PCDH18: variants seen among roughly 807,000 people sequenced by gnomAD.
The protein encoded by PCDH18 is protocadherin-18.
A neutral mutation model predicts 71.5 loss-of-function variants in PCDH18; 38 were observed. That is an observed-to-expected ratio of 0.53 (90% CI 0.41 to 0.70). The LOEUF is 0.70. Among genes scored for constraint, PCDH18 ranks in the 30% least tolerant of loss-of-function variants. The probability of loss-of-function intolerance (pLI) is 0.00; values close to 1 mark genes in which losing one functional copy is unlikely to be tolerated. For synonymous variants in PCDH18, 565 were observed against 505.4 expected (o/e 1.12, Z -1.58); for missense variants, 1,334 against 1,384.6 (o/e 0.96, Z 0.58).
intron 1 of PCDH18, chr4:137,529,383 T>G (rs1731576267): frequency 2.2e-6 from 1 of 447,910 alleles, no homozygotes; most frequent in Admixed American, 3.7e-5. Context: ...TTTTTCAATA[T>G]TACACATATT....
At chr4:137,528,429 G>A (rs748750242) in intron 3 of PCDH18, 49 bp downstream of exon 3, 9 of 1,466,770 alleles carry the variant, frequency 6.1e-6, no homozygotes, top group African/African-American at 1.4e-5. Context: ...CATTTTACTG[G>A]TGTCACGGTA....
chr4:137,521,698 T>G lies in PCDH18; in HGVS notation c.2741-2A>C, dbSNP rs1300490583. The G allele has an allele frequency of 1.3e-6, 2 of 1,587,974 alleles. No homozygotes were observed. Among genetic ancestry groups the G allele is most frequent in the Non-Finnish European group, 1.7e-6 (2 of 1,167,104 alleles). On this transcript the variant is annotated splice_acceptor_variant, in intron 3 of 3. Transcript: ENST00000344876. LOFTEE classifies it high-confidence loss of function. Reference sequence around the variant, plus strand: ...ACTCCTCCGTGCAGAGTCTCATAGCTGCACTCAAGAAAAACAGTGGGGATT... The same window carrying G: ...ACTCCTCCGTGCAGAGTCTCATAGCGGCACTCAAGAAAAACAGTGGGGATT...
In PCDH18 at chr4:137,528,519, C is replaced by A. The variant is rs1374297184; in HGVS notation, c.2699G>T (p.Gly900Val). The part of the protein sequence containing the change: ...DSPIDRLLGE[G>V]FSDLFLTDGR... Reference sequence around the variant, plus strand: ...ATCTGTGAGAAACAGGTCGCTGAATCCTTCACCCAACAGCCTATCTATTGG... The same window carrying A: ...ATCTGTGAGAAACAGGTCGCTGAATACTTCACCCAACAGCCTATCTATTGG... The change falls in exon 3 of 4, where the codon GGA becomes GTA. Residue 900 changes from glycine to valine, a missense_variant. Physicochemically the swap from Gly to Val is moderately radical, Grantham distance 109. Around this residue, in one of 3 missense-constraint regions of PCDH18, gnomAD observed 319 missense variants for 316.3 expected, o/e 1.01. Transcript: ENST00000344876. The A allele has an allele frequency of 6.2e-7, 1 of 1,613,954 alleles. No homozygotes were observed. The highest frequency in any genetic ancestry group is 2.2e-5 in the East Asian group (1 of 44,864).
In PCDH18 at chr4:137,530,086, G is replaced by T; in HGVS notation, c.2003C>A (p.Thr668Asn). Residue 668 changes from threonine (T) to asparagine (N), a missense_variant, in exon 1 of 4, where the codon ACC becomes AAC. By Grantham distance (65) the Thr-to-Asn change is moderately conservative. Around this residue, in one of 3 missense-constraint regions of PCDH18, gnomAD observed 1,011 missense variants for 1,048.0 expected, o/e 0.96. Transcript: ENST00000344876. ...IQDKGNPQLH[T>N]KVLLKCMIFE... ...GATCATGCACTTCAGAAGGACTTTG[G>T]TATGTAGCTGAGGATTGCCTTTGTC... 1 of 1,614,026 alleles carries T rather than the reference G, an allele frequency of 6.2e-7. No individual in the cohort carries two copies. Among genetic ancestry groups the T allele is most frequent in the South Asian group, 1.1e-5 (1 of 91,080 alleles).
At chr4:137,528,348 A>G (rs1176007031) in intron 3 of PCDH18, 130 bp downstream of exon 3, 5 of 716,900 alleles carry the variant, frequency 7.0e-6, no homozygotes, top group Non-Finnish European at 1.2e-5. Flanking sequence ...TGAACATACT[A>G]TAAAACATAT....
In PCDH18 at chr4:137,521,330, T is replaced by C; in HGVS notation, c.3107A>G (p.Glu1036Gly). Residue 1036 changes from glutamate (E) to glycine (G), a missense_variant, in exon 4 of 4, where the codon GAG becomes GGG. This residue lies in a region of PCDH18 where 319 missense variants were observed against 316.3 expected (regional missense o/e 1.01). Transcript: ENST00000344876. ...GGCTGGCAAGGGTCCCTTCCTGCGC[T>C]CCAGGGAGTTGGACCGATCCACCTC... is the stretch of plus-strand genomic sequence containing the variant. ...CSEVDRSNSL[E>G]RRKGPLPAKT... is the part of the protein sequence containing the mutation. The C allele has an allele frequency of 6.2e-7, 1 of 1,614,150 alleles. No individual in the cohort carries two copies.
At chr4:137,524,485 C>T (rs1331430825) in intron 3 of PCDH18, among the ~76,000 whole-genome samples, 1 of 151,450 alleles carries the variant, frequency 6.6e-6, no homozygotes, top group Non-Finnish European at 1.5e-5. Context: ...AAGGGCATGT[C>T]AAGAAAGGAA....
chr4:137,521,473 C>G lies in PCDH18; in HGVS notation c.2964G>C (p.Lys988Asn). The change falls in exon 4 of 4, where the codon AAG (lysine) becomes AAC (asparagine). Residue 988 changes from lysine to asparagine, a missense_variant. Physicochemically the swap from Lys to Asn is moderately conservative, Grantham distance 94. Around this residue, in one of 3 missense-constraint regions of PCDH18, gnomAD observed 319 missense variants for 316.3 expected, o/e 1.01. Coordinates refer to ENST00000344876, the MANE Select transcript of PCDH18 (RefSeq NM_019035.5). The part of the protein sequence containing the change: ...EKKKSFSTFG[K>N]DSPNDEDTGD... ...CAGTGTCCTCATCGTTTGGGGAGTCCTTTCCAAAGGTGGAAAAACTCTTCT... is the reference window on the plus strand; with the variant it reads ...CAGTGTCCTCATCGTTTGGGGAGTCGTTTCCAAAGGTGGAAAAACTCTTCT... 6.2e-7 allele frequency: 1 copy of G among 1,614,194 alleles called. No individual in the cohort carries two copies. The highest frequency in any genetic ancestry group is 8.5e-7 in the Non-Finnish European group (1 of 1,180,036).
At chr4:137,527,527 C>T (rs1397794429) in intron 3 of PCDH18, among the ~76,000 whole-genome samples, 1 of 152,114 alleles carries the variant, frequency 6.6e-6, no homozygotes, top group Non-Finnish European at 1.5e-5. Flanking sequence ...CTGTAGCTGT[C>T]TGAGGCTCCC....
Position 137,521,467 on chromosome 4 carries a change from G to A in PCDH18, c.2970C>T (p.Ser990=). 1 of 1,614,118 alleles carries A rather than the reference G, an allele frequency of 6.2e-7. No individual in the cohort carries two copies. The highest frequency in any genetic ancestry group is 8.5e-7 in the Non-Finnish European group (1 of 1,180,002). ...TATCCCCAGTGTCCTCATCGTTTGGGGAGTCCTTTCCAAAGGTGGAAAAAC... is the reference window on the plus strand; with the variant it reads ...TATCCCCAGTGTCCTCATCGTTTGGAGAGTCCTTTCCAAAGGTGGAAAAAC... ...KKSFSTFGKD[S]PNDEDTGDTS... is the part of the protein sequence containing the mutation. The change falls in exon 4 of 4, where the codon TCC becomes TCT. Residue 990 remains serine (S), a synonymous_variant. Transcript: ENST00000344876.
rs756282569 is a variant in PCDH18, at chr4:137,521,344, C to G, written c.3093G>C (p.Arg1031=). The G allele has an allele frequency of 1.9e-6, 3 of 1,614,142 alleles. No homozygotes were observed. The highest frequency in any genetic ancestry group is 2.5e-6 in the Non-Finnish European group (3 of 1,180,012). ...DTYSECSEVD[R]SNSLERRKGP... ...CCTTCCTGCGCTCCAGGGAGTTGGA[C>G]CGATCCACCTCACTGCATTCAGAAT... Residue 1031 remains arginine, a synonymous_variant, in exon 4 of 4, where the codon CGG becomes CGC. Transcript: ENST00000344876.
At position 137,531,925 on chromosome 4, in the gene PCDH18, A is replaced by G. The variant is rs147204509; in HGVS notation, c.164T>C (p.Leu55Ser). Reference sequence around the variant, plus strand: ...AGTAGAAGGATTAGGAAGCTTCAATAAAACATCAGCCACATCCTCTGATAG... The same window carrying G: ...AGTAGAAGGATTAGGAAGCTTCAATGAAACATCAGCCACATCCTCTGATAG... Reference protein sequence around the residue: ...ARLSEDVADVLLKLPNPSTVR... With the variant: ...ARLSEDVADVSLKLPNPSTVR... Residue 55 changes from leucine to serine, a missense_variant, in exon 1 of 4, where the codon TTA becomes TCA. Coordinates refer to ENST00000344876, the MANE Select transcript of PCDH18 (RefSeq NM_019035.5). 31 of 1,614,026 alleles carry G rather than the reference A, an allele frequency of 1.9e-5. No individual in the cohort carries two copies. Among genetic ancestry groups the G allele is most frequent in the Non-Finnish European group, 2.5e-5 (30 of 1,180,018 alleles).
chr4:137,530,825 T>C lies in PCDH18; in HGVS notation c.1264A>G (p.Thr422Ala). The change falls in exon 1 of 4, where the codon ACA becomes GCA. Residue 422 changes from threonine (T) to alanine (A), a missense_variant. Thr to Ala is a moderately conservative substitution (Grantham distance 58). Around this residue, in one of 3 missense-constraint regions of PCDH18, gnomAD observed 1,011 missense variants for 1,048.0 expected, o/e 0.96. Transcript: ENST00000344876. Reference protein sequence around the residue: ...ENNYLILTNATLDREKRSEYS... With the variant: ...ENNYLILTNAALDREKRSEYS... ...TCAGATCTCTTTTCTCTATCCAGTG[T>C]GGCATTAGTTAAGATTAAATAATTG... 6.2e-7 allele frequency: 1 copy of C among 1,610,974 alleles called. No homozygotes were observed. The highest frequency in any genetic ancestry group is 1.1e-5 in the South Asian group (1 of 90,970).
rs1553944726 is a variant in PCDH18, at chr4:137,530,576, A to G, written c.1513T>C (p.Leu505=). The G allele has an allele frequency of 6.2e-7, 1 of 1,613,960 alleles. No homozygotes were observed. Among genetic ancestry groups the G allele is most frequent in the Non-Finnish European group, 8.5e-7 (1 of 1,179,980 alleles). ...GAACTTCCTAGAATAAAACTCTCCA[A>G]GATGGTGTATGTCACTTGCCCATTT... ...GENGQVTYTI[L]ESFILGSSIT... is the part of the protein sequence containing the mutation. Residue 505 remains leucine, a synonymous_variant, in exon 1 of 4, where the codon TTG becomes CTG. Coordinates refer to ENST00000344876, the MANE Select transcript of PCDH18 (RefSeq NM_019035.5).
rs1335327431 is a variant in PCDH18 at position 137,521,078 on chromosome 4, T to C, written c.3359A>G (p.Glu1120Gly). 1.5e-5 allele frequency: 25 copies of C among 1,612,934 alleles called. No individual in the cohort carries two copies. The highest frequency in any genetic ancestry group is 2.0e-5 in the Non-Finnish European group (24 of 1,179,196). ...DGKHELMDAS[E>G]LVAEINKLLQ... ...CAGTTTGTTAATCTCTGCCACCAGT[T>C]CACTGGCATCCATGAGTTCGTGTTT... is the stretch of plus-strand genomic sequence containing the variant. The change falls in exon 4 of 4, where the codon GAA (glutamate) becomes GGA (glycine). Residue 1120 changes from glutamate (E) to glycine (G), a missense_variant. Coordinates refer to ENST00000344876, the MANE Select transcript of PCDH18 (RefSeq NM_019035.5).
rs1731596468 is a variant in PCDH18 at position 137,529,733 on chromosome 4, C to T, written c.2356G>A (p.Glu786Lys). The T allele has an allele frequency of 6.2e-7, 1 of 1,613,826 alleles. No homozygotes were observed. Among genetic ancestry groups the T allele is most frequent in the South Asian group, 1.1e-5 (1 of 91,080 alleles). The change falls in exon 1 of 4, where the codon GAA becomes AAA. Residue 786 changes from glutamate to lysine, a missense_variant. By Grantham distance (56) the Glu-to-Lys change is moderately conservative (BLOSUM62 1). Coordinates refer to ENST00000344876, the MANE Select transcript of PCDH18 (RefSeq NM_019035.5). ...TGCCGGCTGCCCATCTGCCCTCTTTCTAAGGTAGGAGATGAAGATGGAGAC... is the reference window on the plus strand; with the variant it reads ...TGCCGGCTGCCCATCTGCCCTCTTTTTAAGGTAGGAGATGAAGATGGAGAC... Reference protein sequence around the residue: ...RSSPSSSPTLERGQMGSRQSH... With the variant: ...RSSPSSSPTLKRGQMGSRQSH...
At chr4:137,528,957 G>T (rs1396778028) in intron 1 of PCDH18, 137 bp from the exon 2 acceptor site, 3 of 693,440 alleles carry the variant, frequency 4.3e-6, no homozygotes. Context: ...ATTTGCAAAT[G>T]CTGGACTGTG....
At position 137,532,291 on chromosome 4, in the gene PCDH18, C is replaced by A. The variant is rs1731741495; in HGVS notation, c.-203G>T. ...TTCCAGATACCTTCGGCATGGAGTC[C>A]AGTCCTTGCGTTTGTTTGGTCGTTC... On this transcript the variant is annotated 5_prime_UTR_variant, in exon 1 of 4. Coordinates refer to ENST00000344876, the MANE Select transcript of PCDH18 (RefSeq NM_019035.5). The A allele has an allele frequency of 2.8e-6, 2 of 703,440 alleles. No individual in the cohort carries two copies. Among genetic ancestry groups the A allele is most frequent in the Non-Finnish European group, 5.2e-6 (2 of 385,686 alleles). 43.6% of individuals were successfully genotyped at this position (703,440 alleles called of 1,614,324 possible). A position where few individuals can be genotyped will look rare whatever the true frequency, so the allele number is the denominator to read the frequency against.
chr4:137,522,985 T>A (rs946147966), intron 3 of PCDH18, among the ~76,000 whole-genome samples: 1 of 152,190 alleles, frequency 6.6e-6, no homozygotes, highest in African/African-American at 2.4e-5. Flanking sequence ...TTTCTCTGCT[T>A]GAATCTTTGA....
Sources: allele counts gnomAD v4.1 joint callset (sites outside exome capture counted in the v4.1 genomes callset), GRCh38; gene constraint gnomAD v4.1.1; regional missense constraint gnomAD v4.1.1; transcripts MANE v1.5; gene names NCBI Gene and HGNC (gene_info 2026-07-23, HGNC 2026-07-21).